SFTPD: variants seen among roughly 807,000 people sequenced by gnomAD.
The protein encoded by SFTPD is surfactant protein D.
A neutral mutation model predicts 34.6 loss-of-function variants in SFTPD; 18 were observed. The observed-to-expected ratio is 0.52, with a 90% CI of 0.36 to 0.77. The LOEUF is 0.77. Among genes scored for constraint, SFTPD ranks in the 30% least tolerant of loss-of-function variants. SFTPD has a pLI of 0.00. For synonymous variants in SFTPD, 155 were observed against 180.9 expected (o/e 0.86, Z 1.15); for missense variants, 433 against 468.9 (o/e 0.92, Z 0.71).
intron 7 of SFTPD, among the ~76,000 whole-genome samples, chr10:79,938,886 G>A (rs1842584401): frequency 6.6e-6 from 1 of 152,234 alleles, no homozygotes; most frequent in South Asian, 2.1e-4. Context: ...GCCTGCCTGG[G>A]AGGTGCTGAG....
In SFTPD at chr10:79,942,087, C is replaced by T; in HGVS notation, c.434-17G>A. 5 of 1,562,478 alleles carry T rather than the reference C, an allele frequency of 3.2e-6. No individual in the cohort carries two copies. The highest frequency in any genetic ancestry group is 4.4e-6 in the Non-Finnish European group (5 of 1,135,790). On this transcript the variant is annotated splice_polypyrimidine_tract_variant and intron_variant, in intron 4 of 7. Coordinates refer to ENST00000372292, the MANE Select transcript of SFTPD (RefSeq NM_003019.5). ...CTACTTCTCCTGAAGAAGGAACACA[C>T]AGGAACAAACACAGCTAAGAGCGCG...
At chr10:79,942,279 A>G (rs1842621039) in intron 4 of SFTPD, 109 bp downstream of exon 4, 2 of 806,626 alleles carry the variant, frequency 2.5e-6, no homozygotes, top group East Asian at 2.5e-5. Flanking sequence ...CCTTTGCAGC[A>G]TCAAGGGTCT....
chr10:79,954,348 G>A (rs1471353371), intron 1 of SFTPD, among the ~76,000 whole-genome samples: 3 of 152,196 alleles, frequency 2.0e-5, no homozygotes, highest in Non-Finnish European at 2.9e-5. Context: ...CCCGCTGTTG[G>A]TGACCACAGG....
At chr10:79,938,561 G>A (rs544296812) in intron 7 of SFTPD, among the ~76,000 whole-genome samples, 3 of 152,092 alleles carry the variant, frequency 2.0e-5, no homozygotes, top group Non-Finnish European at 4.4e-5. Flanking sequence ...TTTCTATTTT[G>A]GCACATGCTA....
rs919734644 is a variant in SFTPD, at chr10:79,964,102, C to T, written c.37-17440G>A. Among the ~76,000 whole-genome samples the T allele has an allele frequency of 1.5e-4, 23 of 152,134 alleles. 1 individual carries two copies. The highest frequency in any genetic ancestry group is 5.9e-4 in the Admixed American group (9 of 15,260). On this transcript the variant is annotated intron_variant, in intron 1 of 5. Transcript: ENST00000444384. ...GCTACCACTCTGCCCCCCTCCACTA[C>T]CTCTCAGCAAGTTGAACTCATTGCC...
At chr10:79,942,717 T>C (rs555493637) in intron 3 of SFTPD, 46 bp downstream of exon 3, 8 of 1,312,452 alleles carry the variant, frequency 6.1e-6, no homozygotes, top group Non-Finnish European at 1.1e-6. Flanking sequence ...TCCTTGCAGC[T>C]GCACCACCAC....
At chr10:79,939,231 C>T (rs1412852644) in intron 7 of SFTPD, among the ~76,000 whole-genome samples, 1 of 152,158 alleles carries the variant, frequency 6.6e-6, no homozygotes, top group African/African-American at 2.4e-5. Flanking sequence ...GCTCTTGGGC[C>T]CATGCATGGA....
At chr10:79,940,177 G>T (rs544589405) in intron 7 of SFTPD, among the ~76,000 whole-genome samples, 1 of 152,178 alleles carries the variant, frequency 6.6e-6, no homozygotes, top group Admixed American at 6.5e-5. Flanking sequence ...GGCTGCCTTG[G>T]GATGTGCAGC....
intron 1 of SFTPD, among the ~76,000 whole-genome samples, chr10:79,974,528 G>A (rs1162375235): frequency 6.6e-6 from 1 of 152,052 alleles, no homozygotes; most frequent in African/African-American, 2.4e-5. Context: ...CAAGAGTGAT[G>A]TGATCATAGT....
Position 79,946,676 on chromosome 10 carries a change from CAGAA to C in SFTPD, c.-3-18_-3-15del, listed in dbSNP as rs563500642. ...GAGCAGCATGGCCTGGAGAGGTGAACAGAAAGAGAAAAGACATGCTTATGCTTCA... is the reference window on the plus strand; with the variant it reads ...GAGCAGCATGGCCTGGAGAGGTGAACAGAGAAAAGACATGCTTATGCTTCA... On this transcript the variant is annotated splice_polypyrimidine_tract_variant and intron_variant, in intron 1 of 7. Coordinates refer to ENST00000372292, the MANE Select transcript of SFTPD (RefSeq NM_003019.5). 4.2e-4 allele frequency: 681 copies of C among 1,611,080 alleles called. 4 individuals are homozygous for C. In the African/African-American group the frequency reaches 8.3e-3, roughly 20 times the overall value.
intron 7 of SFTPD, 144 bp downstream of exon 7, chr10:79,940,561 A>C (rs1196203194): frequency 1.7e-6 from 1 of 602,270 alleles, no homozygotes; most frequent in African/African-American, 1.8e-5. Context: ...CACAGGTCCC[A>C]GCTCATTCCC....
intron 1 of SFTPD, chr10:79,968,125 A>T (rs908448262): frequency 6.6e-6 from 1 of 152,146 alleles, no homozygotes; most frequent in Non-Finnish European, 1.5e-5. Context: ...TGGTCAAGTC[A>T]GGATAATCGG....
rs76675004 is a variant in SFTPD, at chr10:79,955,763, C to G, written c.37-9101G>C. Among the ~76,000 whole-genome samples the G allele has an allele frequency of 1.5e-4, 23 of 152,294 alleles. No individual in the cohort carries two copies. In the East Asian group the frequency reaches 4.4e-3, roughly 29 times the overall value. ...TTGGATGAGAATTCTAGGCACTTTA[C>G]TCTTTGTTTCTTTAAATATTAACAC... On this transcript the variant is annotated intron_variant, in intron 1 of 5. Coordinates refer to the SFTPD transcript ENST00000444384.
In SFTPD at chr10:79,942,768, G is replaced by T; in HGVS notation, c.311C>A (p.Pro104Gln). 1.2e-6 allele frequency: 2 copies of T among 1,601,214 alleles called. No homozygotes were observed. Among genetic ancestry groups the T allele is most frequent in the Non-Finnish European group, 1.7e-6 (2 of 1,168,248 alleles). Reference protein sequence around the residue: ...GEPGPKGDTGPSGPPGPPGVP... With the variant: ...GEPGPKGDTGQSGPPGPPGVP... ...GTCGACACCCAGTTGCTCACCACTT[G>T]GCCCAGTGTCTCCCTTTGGTCCAGG... is the stretch of plus-strand genomic sequence containing the variant. The change falls in exon 3 of 8, where the codon CCA (proline) becomes CAA (glutamine). Residue 104 changes from proline to glutamine, a missense_variant. Pro to Gln is a moderately conservative substitution (Grantham distance 76). Coordinates refer to ENST00000372292, the MANE Select transcript of SFTPD (RefSeq NM_003019.5).
At chr10:79,981,877 A>G in intron 1 of SFTPD, 1 of 253,060 alleles carries the variant, frequency 4.0e-6, no homozygotes, top group South Asian at 3.8e-5. Context: ...AGCCACACGG[A>G]CACCTGAGCC....
chr10:79,959,639 T>C (rs28881015), intron 1 of SFTPD, among the ~76,000 whole-genome samples: 10,553 of 152,204 alleles, frequency 0.069, 566 homozygotes, highest in South Asian at 0.2. Flanking sequence ...ACTCTGAAAT[T>C]GTGGCAATAA....
intron 1 of SFTPD, among the ~76,000 whole-genome samples, chr10:79,958,859 C>A (rs964994287): frequency 1.3e-5 from 2 of 151,976 alleles, no homozygotes; most frequent in Non-Finnish European, 2.9e-5. Flanking sequence ...CAGCACCACA[C>A]CACACCTATT....
intron 2 of SFTPD, among the ~76,000 whole-genome samples, chr10:79,944,899 A>G (rs933714337): frequency 3.3e-5 from 5 of 151,968 alleles, no homozygotes; most frequent in African/African-American, 7.3e-5. Flanking sequence ...TGGGAACCAC[A>G]TGCTTCCAAC....
chr10:79,948,329 C>G (rs939411675), intron 1 of SFTPD, among the ~76,000 whole-genome samples: 1 of 152,178 alleles, frequency 6.6e-6, no homozygotes, highest in African/African-American at 2.4e-5. Context: ...ATTCTGTCTA[C>G]AGGCTCAAGA....
Sources: allele counts gnomAD v4.1 joint callset (sites outside exome capture counted in the v4.1 genomes callset), GRCh38; gene constraint gnomAD v4.1.1; transcripts MANE v1.5; gene names NCBI Gene and HGNC (gene_info 2026-07-23, HGNC 2026-07-21).